The following CDH11 variants were observed in gnomAD, a reference collection of about 807,000 sequenced individuals.
The protein encoded by CDH11 is cadherin-11.
Under a neutral mutation model 67.8 loss-of-function variants are expected in CDH11, and 11 were observed. The observed-to-expected ratio is 0.16, with a 90% CI of 0.10 to 0.27. CDH11 has a LOEUF of 0.27. Among genes scored for constraint, CDH11 ranks in the 10% least tolerant of loss-of-function variants. The pLI, the probability that CDH11 is intolerant of heterozygous loss-of-function variation, is 1.00. For missense variants in CDH11, 847 were observed against 1,031.2 expected (o/e 0.82, Z 2.45); for synonymous variants, 419 against 400.0 (o/e 1.05, Z -0.57).
chr16:64,970,853 T>C (rs990462294), intron 11 of CDH11, among the ~76,000 whole-genome samples: 3 of 152,196 alleles, frequency 2.0e-5, no homozygotes, highest in Non-Finnish European at 4.4e-5. Flanking sequence ...CACTACCAAG[T>C]AATGGACAGA....
At chr16:65,030,775 C>T (rs2142618564) in intron 2 of CDH11, among the ~76,000 whole-genome samples, 1 of 152,254 alleles carries the variant, frequency 6.6e-6, no homozygotes, top group East Asian at 1.9e-4. Context: ...GTTGCACAGG[C>T]TTGTCTCAAA....
chr16:64,982,169 C>T lies in CDH11; in HGVS notation c.1132G>A (p.Asp378Asn), dbSNP rs2142459541. The stretch of plus-strand genomic sequence containing the variant: ...GGGGCCAAGAACATAGGGGGCTCAT[C>T]AGCATCTTCTACTGAGATCTTGACG... ...VTVKISVEDA[D>N]EPPMFLAPSY... The change falls in exon 8 of 13, where the codon GAT (aspartate) becomes AAT (asparagine). Residue 378 changes from aspartate (D) to asparagine (N), a missense_variant. Physicochemically the swap from Asp to Asn is conservative, Grantham distance 23 (BLOSUM62 1). Around this residue, in one of 2 missense-constraint regions of CDH11, gnomAD observed 612 missense variants for 678.7 expected, o/e 0.90. Transcript: ENST00000268603. 1 of 1,614,104 alleles carries T rather than the reference C, an allele frequency of 6.2e-7. No homozygotes were observed. Among genetic ancestry groups the T allele is most frequent in the South Asian group, 1.1e-5 (1 of 91,078 alleles).
chr16:65,032,704 A>T (rs1258464076), intron 2 of CDH11, among the ~76,000 whole-genome samples: 5 of 152,112 alleles, frequency 3.3e-5, no homozygotes, highest in African/African-American at 1.2e-4. Context: ...TTTCATTCTG[A>T]TTTCCCCTGA....
intron 2 of CDH11, chr16:65,007,124 A>C (rs1265112621): frequency 6.6e-6 from 1 of 152,226 alleles, no homozygotes; most frequent in East Asian, 1.9e-4. Flanking sequence ...AGAAAATAAA[A>C]GAATTGGTGA....
At chr16:64,949,449 A>T in intron 12 of CDH11, among the ~76,000 whole-genome samples, 1 of 131,678 alleles carries the variant, frequency 7.6e-6, no homozygotes, top group Admixed American at 8.0e-5. Context: ...TTTTTGAGAC[A>T]GAGTTTTGCT....
intron 2 of CDH11, among the ~76,000 whole-genome samples, chr16:65,017,873 C>T (rs1164906823): frequency 6.6e-6 from 1 of 152,130 alleles, no homozygotes; most frequent in Non-Finnish European, 1.5e-5. Context: ...TACAGATGTA[C>T]TATAGTTTTT....
At position 64,957,600 on chromosome 16, in the gene CDH11, G is replaced by GCACACACACA. The variant is rs66508762; in HGVS notation, c.1643-6592_1643-6583dup. On this transcript the variant is annotated intron_variant, in intron 11 of 12. Coordinates refer to ENST00000268603, the MANE Select transcript of CDH11 (RefSeq NM_001797.4). Reference sequence around the variant, plus strand: ...TATTTCTGTGCCCACACATGCCCGTGCACACACACACACACACACACACAC... The same window carrying GCACACACACA: ...TATTTCTGTGCCCACACATGCCCGTGCACACACACACACACACACACACACACACACACAC... Among the ~76,000 whole-genome samples, 999 of 145,060 alleles carry GCACACACACA rather than the reference G, an allele frequency of 6.9e-3. 15 individuals are homozygous for GCACACACACA. The highest frequency in any genetic ancestry group is 0.022 in the African/African-American group (866 of 38,692).
intron 1 of CDH11, among the ~76,000 whole-genome samples, chr16:65,081,112 A>T (rs13339282): frequency 6.6e-6 from 1 of 152,222 alleles, no homozygotes; most frequent in East Asian, 1.9e-4. Context: ...TACTATATGC[A>T]TATGTCTGTC....
rs776318105 is a variant in CDH11 at position 64,991,841 on chromosome 16, G to A, written c.738C>T (p.Gly246=). 5.6e-6 allele frequency: 9 copies of A among 1,613,544 alleles called. No individual in the cohort carries two copies. Among genetic ancestry groups the A allele is most frequent in the East Asian group, 2.2e-5 (1 of 44,872 alleles). Residue 246 remains glycine (G), a synonymous_variant, in exon 6 of 13, where the codon GGC becomes GGT. Transcript: ENST00000268603. ...TCACTTTGGTTGTCCCTGAGAGTCC[G>A]CCCATATGTCCACCCATGTCCTTGG... is the stretch of plus-strand genomic sequence containing the variant. ...IQAKDMGGHM[G]GLSGTTKVTI...
At chr16:65,108,882 C>T (rs1645051335) in intron 1 of CDH11, among the ~76,000 whole-genome samples, 1 of 152,124 alleles carries the variant, frequency 6.6e-6, no homozygotes. Flanking sequence ...CACAGTGGCT[C>T]ACACCTATAA....
intron 1 of CDH11, among the ~76,000 whole-genome samples, chr16:65,101,385 A>G (rs1394297669): frequency 6.6e-6 from 1 of 152,062 alleles, no homozygotes; most frequent in Non-Finnish European, 1.5e-5. Context: ...TCCTCTTTGG[A>G]GCTCTCCTTC....
At chr16:65,053,573 T>C (rs896361623) in intron 2 of CDH11, among the ~76,000 whole-genome samples, 1 of 152,226 alleles carries the variant, frequency 6.6e-6, no homozygotes, top group African/African-American at 2.4e-5. Context: ...GATCTTACTA[T>C]TACTAGCACA....
At chr16:64,973,738 G>A (rs763898963) in intron 8 of CDH11, among the ~76,000 whole-genome samples, 13 of 152,132 alleles carry the variant, frequency 8.5e-5, no homozygotes, top group South Asian at 2.1e-4. Flanking sequence ...TCCGGGAAGC[G>A]GAGGCTGCAG....
chr16:65,093,093 C>T (rs2074821334), intron 1 of CDH11, among the ~76,000 whole-genome samples: 1 of 151,828 alleles, frequency 6.6e-6, no homozygotes, highest in Non-Finnish European at 1.5e-5. Flanking sequence ...TGTGCCACCA[C>T]ACTCAGCTAA....
At chr16:64,950,072 AC>A (rs1394692886) in intron 12 of CDH11, among the ~76,000 whole-genome samples, 2 of 152,088 alleles carry the variant, frequency 1.3e-5, no homozygotes, top group Non-Finnish European at 2.9e-5. Flanking sequence ...TAGTTCTGAG[AC>A]TTTGGGATAA....
intron 2 of CDH11, among the ~76,000 whole-genome samples, chr16:65,018,674 T>G (rs188533181): frequency 6.6e-6 from 1 of 152,342 alleles, no homozygotes; most frequent in East Asian, 1.9e-4. Flanking sequence ...AAGAGATTAC[T>G]TCAGCCTTTT....
intron 1 of CDH11, among the ~76,000 whole-genome samples, chr16:65,095,549 A>T (rs1159081740): frequency 3.3e-5 from 5 of 152,186 alleles, no homozygotes. Context: ...GTCTGTAATC[A>T]GTTTACTTTA....
chr16:65,099,713 A>G (rs2074958956), intron 1 of CDH11, among the ~76,000 whole-genome samples: 1 of 152,202 alleles, frequency 6.6e-6, no homozygotes, highest in Admixed American at 6.5e-5. Context: ...GAAATATAAA[A>G]TTCACAAGAT....
chr16:65,095,240 T>A (rs1373425607), intron 1 of CDH11, among the ~76,000 whole-genome samples: 2 of 152,048 alleles, frequency 1.3e-5, no homozygotes, highest in East Asian at 3.9e-4. Context: ...ATTGGTGGCA[T>A]ACAAAGATAT....
Sources: allele counts gnomAD v4.1 joint callset (sites outside exome capture counted in the v4.1 genomes callset), GRCh38; gene constraint gnomAD v4.1.1; regional missense constraint gnomAD v4.1.1; transcripts MANE v1.5; gene names NCBI Gene and HGNC (gene_info 2026-07-23, HGNC 2026-07-21).